CYP4X1: variants seen among roughly 807,000 people sequenced by gnomAD.
CYP4X1 encodes cytochrome P450 4X1.
Under a neutral mutation model 57.9 loss-of-function variants are expected in CYP4X1, and 44 were observed. That is an observed-to-expected ratio of 0.76 (90% CI 0.60 to 0.98). The LOEUF (loss-of-function observed/expected upper bound fraction) is 0.98. Ranked by LOEUF, CYP4X1 falls within the 50% of genes least tolerant of loss-of-function variation. The pLI, the probability that CYP4X1 is intolerant of heterozygous loss-of-function variation, is 0.00. For synonymous variants in CYP4X1, 227 were observed against 228.6 expected, an observed-to-expected ratio of 0.99 and a Z score of 0.06; for missense variants, 532 against 623.9, an observed-to-expected ratio of 0.85 and a Z score of 1.57.
At chr1:47,029,456 A>G (rs1644103223) in intron 1 of CYP4X1, among the ~76,000 whole-genome samples, 2 of 152,174 alleles carry the variant, frequency 1.3e-5, no homozygotes, top group African/African-American at 4.8e-5. Flanking sequence ...TGGGGGGAGA[A>G]TTTGGATTTT....
chr1:46,973,645 T>C, the CYP4X1 span, among the ~76,000 whole-genome samples: 4 of 152,132 alleles, frequency 2.6e-5, no homozygotes, highest in Admixed American at 2.6e-4. Flanking sequence ...TGTTCATGGT[T>C]CAATCTTGGG....
the CYP4X1 span, among the ~76,000 whole-genome samples, chr1:47,001,632 G>T: frequency 1.3e-5 from 2 of 152,146 alleles, no homozygotes; most frequent in African/African-American, 4.8e-5. Context: ...TTGCCCTTAC[G>T]CCTCGGTCCA....
the CYP4X1 span, among the ~76,000 whole-genome samples, chr1:47,001,566 G>A: frequency 4.3e-3 from 657 of 152,214 alleles, 2 homozygotes; most frequent in Non-Finnish European, 7.7e-3. Context: ...GCAGTGGGTG[G>A]GTGGTCCTCA....
intron 8 of CYP4X1, 54 bp downstream of exon 8, chr1:47,039,586 T>G (rs973994576): frequency 3.1e-5 from 46 of 1,486,264 alleles, no homozygotes; most frequent in Middle Eastern, 2.4e-4. Flanking sequence ...AGATTTTGCT[T>G]TATTTTTTGC....
At chr1:46,998,150 G>GT in the CYP4X1 span, among the ~76,000 whole-genome samples, 2 of 149,994 alleles carry the variant, frequency 1.3e-5, no homozygotes, top group South Asian at 2.2e-4. Context: ...TTTTTTGTTT[G>GT]TTTTTTGTAG....
the CYP4X1 span, among the ~76,000 whole-genome samples, chr1:47,008,305 T>C: frequency 2.0e-5 from 3 of 152,174 alleles, no homozygotes; most frequent in African/African-American, 7.2e-5. Flanking sequence ...AACCCAGAAT[T>C]TCATATCCAG....
chr1:47,049,534 C>T (rs1240368362), intron 11 of CYP4X1, 30 bp downstream of exon 11: 1 of 1,580,920 alleles, frequency 6.3e-7, no homozygotes, highest in Admixed American at 1.7e-5. Flanking sequence ...GCTGAAAGTA[C>T]CCAAAGATGT....
At chr1:47,047,181 T>C (rs190301717) in intron 9 of CYP4X1, among the ~76,000 whole-genome samples, 1 of 152,260 alleles carries the variant, frequency 6.6e-6, no homozygotes, top group Admixed American at 6.5e-5. Context: ...TAGATGACAT[T>C]AACTGATGTG....
chr1:46,973,923 T>G, the CYP4X1 span, among the ~76,000 whole-genome samples: 1 of 152,178 alleles, frequency 6.6e-6, no homozygotes, highest in South Asian at 2.1e-4. Flanking sequence ...TCCATTTCAT[T>G]TGGCTCTCTG....
chr1:47,042,756 A>G lies in CYP4X1; in HGVS notation c.1073+3224A>G, dbSNP rs146422466. ...ACTTCATTTAGAATATTGGTCTCCA[A>G]TTCCATCCAGATTGCTGCGAATGCC... On this transcript the variant is annotated intron_variant, in intron 8 of 11. Coordinates refer to ENST00000371901, the MANE Select transcript of CYP4X1 (RefSeq NM_178033.2). Among the ~76,000 whole-genome samples the G allele has an allele frequency of 1.7e-3, 254 of 152,264 alleles. 1 individual carries two copies. The highest frequency in any genetic ancestry group is 5.7e-3 in the African/African-American group (237 of 41,582).
chr1:46,987,158 C>T, the CYP4X1 span, among the ~76,000 whole-genome samples: 1 of 151,900 alleles, frequency 6.6e-6, no homozygotes, highest in African/African-American at 2.4e-5. Context: ...CACACGTAGG[C>T]TCAAAATAAA....
At chr1:46,990,077 C>A in the CYP4X1 span, among the ~76,000 whole-genome samples, 1 of 152,180 alleles carries the variant, frequency 6.6e-6, no homozygotes, top group East Asian at 1.9e-4. Context: ...AGAGCTTCTG[C>A]ACAGCAAAAG....
At chr1:47,040,870 A>C (rs1448467997) in intron 8 of CYP4X1, among the ~76,000 whole-genome samples, 2 of 152,076 alleles carry the variant, frequency 1.3e-5, no homozygotes, top group African/African-American at 4.8e-5. Flanking sequence ...CCAATCACAT[A>C]TTGTACAATG....
intron 11 of CYP4X1, among the ~76,000 whole-genome samples, chr1:47,049,732 G>C (rs563905099): frequency 5.9e-5 from 9 of 152,210 alleles, no homozygotes; most frequent in Admixed American, 5.9e-4. Flanking sequence ...CTGCTCATAG[G>C]CTCAATGCAG....
chr1:47,017,514 T>A, the CYP4X1 span, among the ~76,000 whole-genome samples: 4 of 152,152 alleles, frequency 2.6e-5, no homozygotes, highest in South Asian at 8.3e-4. Context: ...GATAGATTCT[T>A]CTTGCCTTTT....
At chr1:46,985,795 A>C in the CYP4X1 span, among the ~76,000 whole-genome samples, 1 of 152,226 alleles carries the variant, frequency 6.6e-6, no homozygotes, top group Non-Finnish European at 1.5e-5. Flanking sequence ...TTAGAAGGAA[A>C]ACAAATAAAC....
At chr1:47,049,033 C>G (rs1458341040) in intron 10 of CYP4X1, among the ~76,000 whole-genome samples, 1 of 152,206 alleles carries the variant, frequency 6.6e-6, no homozygotes, top group Non-Finnish European at 1.5e-5. Flanking sequence ...AGCTGTGAAG[C>G]TGCAAGGTCT....
At chr1:46,980,933 A>T in the CYP4X1 span, among the ~76,000 whole-genome samples, 2 of 139,000 alleles carry the variant, frequency 1.4e-5, no homozygotes, top group South Asian at 5.0e-4. Flanking sequence ...AGCCATATGT[A>T]GAAAGCTGAA....
At chr1:46,993,894 G>C in the CYP4X1 span, among the ~76,000 whole-genome samples, 2 of 152,166 alleles carry the variant, frequency 1.3e-5, no homozygotes, top group Non-Finnish European at 2.9e-5. Flanking sequence ...TATTCACTCT[G>C]ATGGTAGTTT....
Sources: allele counts gnomAD v4.1 joint callset (sites outside exome capture counted in the v4.1 genomes callset), GRCh38; gene constraint gnomAD v4.1.1; transcripts MANE v1.5; gene names NCBI Gene and HGNC (gene_info 2026-07-23, HGNC 2026-07-21).